The following NPFFR2 variants were observed in gnomAD, a reference collection of about 807,000 sequenced individuals.
The protein encoded by NPFFR2 is neuropeptide FF receptor 2, also known as G-protein coupled receptor 74.
NPFFR2 carries 15 observed loss-of-function variants against 13.1 expected under a neutral mutation model. That is an observed-to-expected ratio of 1.15 (90% CI 0.77 to 1.76). The LOEUF (loss-of-function observed/expected upper bound fraction) is 1.76. Ranked by LOEUF, NPFFR2 falls within the 40% of genes most tolerant of loss-of-function variation. The pLI, the probability that NPFFR2 is intolerant of heterozygous loss-of-function variation, is 0.00. For missense variants in NPFFR2, 572 were observed against 503.5 expected (o/e 1.14, Z -1.30); for synonymous variants, 190 against 175.7 (o/e 1.08, Z -0.65).
At chr4:72,106,139 G>C (rs979015461) in intron 1 of NPFFR2, among the ~76,000 whole-genome samples, 1 of 152,050 alleles carries the variant, frequency 6.6e-6, no homozygotes, top group Non-Finnish European at 1.5e-5. Flanking sequence ...GGGATTAAAG[G>C]AGATGTGCAA....
intron 1 of NPFFR2, among the ~76,000 whole-genome samples, chr4:72,105,128 G>A (rs1187079761): frequency 6.6e-6 from 1 of 151,384 alleles, no homozygotes; most frequent in Non-Finnish European, 1.5e-5. Flanking sequence ...AGTAAATTTA[G>A]GTGTTCATAA....
rs1718945526 is a variant in NPFFR2 at position 72,032,245 on chromosome 4, G to A, written c.-8+45G>A. 1.9e-6 allele frequency: 3 copies of A among 1,539,196 alleles called. No individual in the cohort carries two copies. The African/African-American group carries it at 4.1e-5, about 21-fold the overall frequency. ...TGTCTGGGGGCCCCCGCTTGGGGGC[G>A]CGACCCCTCTCTAATGCCCAACGCT... is the stretch of plus-strand genomic sequence containing the variant. On this transcript the variant is annotated intron_variant, in intron 1 of 3. Transcript: ENST00000308744.
At chr4:72,088,139 A>T (rs1305953899) in intron 1 of NPFFR2, among the ~76,000 whole-genome samples, 3 of 152,102 alleles carry the variant, frequency 2.0e-5, no homozygotes, top group African/African-American at 7.2e-5. Context: ...TAGCGACTTA[A>T]AATAGACATT....
intron 1 of NPFFR2, among the ~76,000 whole-genome samples, chr4:72,063,330 T>C (rs1282333210): frequency 6.6e-6 from 1 of 152,192 alleles, no homozygotes; most frequent in African/African-American, 2.4e-5. Context: ...GAAGCAATTA[T>C]TCATTCCTTG....
chr4:72,138,342 A>G (rs912181384), intron 3 of NPFFR2, among the ~76,000 whole-genome samples: 5 of 152,172 alleles, frequency 3.3e-5, no homozygotes, highest in African/African-American at 4.8e-5. Context: ...TACATGTGCC[A>G]TGTTGGTGTG....
chr4:72,100,933 C>A (rs1312563803), intron 1 of NPFFR2, among the ~76,000 whole-genome samples: 1 of 151,938 alleles, frequency 6.6e-6, no homozygotes, highest in Non-Finnish European at 1.5e-5. Flanking sequence ...TAGGAAGTAT[C>A]TTTCTATGCA....
intron 1 of NPFFR2, among the ~76,000 whole-genome samples, chr4:72,046,435 C>T (rs1002485560): frequency 1.3e-5 from 2 of 152,136 alleles, no homozygotes; most frequent in Non-Finnish European, 1.5e-5. Context: ...CTCTGTCTCA[C>T]ATGCTTGCTT....
chr4:72,139,867 A>T (rs999013388), intron 3 of NPFFR2, among the ~76,000 whole-genome samples: 11 of 152,070 alleles, frequency 7.2e-5, no homozygotes, highest in African/African-American at 1.2e-4. Context: ...CATTTTCACG[A>T]TATTGATTCT....
intron 1 of NPFFR2, among the ~76,000 whole-genome samples, chr4:72,049,793 C>A (rs1227131404): frequency 2.6e-5 from 4 of 151,374 alleles, no homozygotes; most frequent in African/African-American, 9.8e-5. Flanking sequence ...CTTGTAAGTG[C>A]TAGTGATAAG....
At chr4:72,050,380 T>C (rs1444780050) in intron 1 of NPFFR2, among the ~76,000 whole-genome samples, 2 of 152,012 alleles carry the variant, frequency 1.3e-5, no homozygotes, top group East Asian at 3.9e-4. Flanking sequence ...AAAAACTAGT[T>C]CAGTCTGTGA....
intron 3 of NPFFR2, 57 bp downstream of exon 3, chr4:72,138,196 C>G (rs777710712): frequency 5.1e-5 from 56 of 1,103,288 alleles, no homozygotes; most frequent in Non-Finnish European, 7.2e-5. Context: ...AACTAGTATA[C>G]CAGAAAAATA....
At chr4:72,105,559 A>G (rs1721394971) in intron 1 of NPFFR2, among the ~76,000 whole-genome samples, 1 of 152,154 alleles carries the variant, frequency 6.6e-6, no homozygotes, top group East Asian at 1.9e-4. Flanking sequence ...AAAACATCAA[A>G]ATATCACCTT....
chr4:72,073,520 G>A (rs1720327238), intron 1 of NPFFR2, among the ~76,000 whole-genome samples: 1 of 151,954 alleles, frequency 6.6e-6, no homozygotes, highest in African/African-American at 2.4e-5. Flanking sequence ...TAATGGTGTG[G>A]TAACTTTGAT....
At chr4:72,137,410 A>T (rs568559853) in intron 2 of NPFFR2, among the ~76,000 whole-genome samples, 25 of 152,276 alleles carry the variant, frequency 1.6e-4, no homozygotes, top group Admixed American at 1.2e-3. Context: ...TAAACTTTAC[A>T]GTAGCTAAGG....
chr4:72,051,479 G>A (rs1375860453), intron 1 of NPFFR2, among the ~76,000 whole-genome samples: 3 of 150,820 alleles, frequency 2.0e-5, no homozygotes, highest in Non-Finnish European at 4.4e-5. Context: ...AGAATCTCTG[G>A]GACACATTCA....
At chr4:72,048,540 A>G (rs5004264) in intron 1 of NPFFR2, among the ~76,000 whole-genome samples, 134,966 of 151,738 alleles carry the variant, frequency 0.89, 61,162 homozygotes, top group Non-Finnish European at 0.98. Flanking sequence ...TGAAAGAAGT[A>G]TCTGATGGAG....
intron 1 of NPFFR2, among the ~76,000 whole-genome samples, chr4:72,113,203 C>T (rs971841745): frequency 7.9e-5 from 12 of 151,956 alleles, no homozygotes; most frequent in Non-Finnish European, 1.6e-4. Context: ...TACAAGTATG[C>T]CTTCCATGAC....
At chr4:72,130,066 G>A (rs1722187102) in intron 2 of NPFFR2, among the ~76,000 whole-genome samples, 1 of 148,802 alleles carries the variant, frequency 6.7e-6, no homozygotes, top group Non-Finnish European at 1.5e-5. Context: ...TGGGGGTAAG[G>A]TCATAGATTA....
Position 72,139,739 on chromosome 4 carries a change from G to A in NPFFR2, c.428+1600G>A, listed in dbSNP as rs145926477. Among the ~76,000 whole-genome samples the A allele has an allele frequency of 1.7e-4, 26 of 152,094 alleles. No homozygotes were observed. The East Asian group carries it at 3.3e-3, about 19-fold the overall frequency. The stretch of plus-strand genomic sequence containing the variant: ...TGGCTTAGGATTATCTTGGCAATGC[G>A]GGCTCTTTTTTAGTTCCATATGAAC... On this transcript the variant is annotated intron_variant, in intron 3 of 3. Transcript: ENST00000308744.
Sources: allele counts gnomAD v4.1 joint callset (sites outside exome capture counted in the v4.1 genomes callset), GRCh38; gene constraint gnomAD v4.1.1; transcripts MANE v1.5; gene names NCBI Gene and HGNC (gene_info 2026-07-23, HGNC 2026-07-21).